The following ADGRV1 variants were observed in gnomAD, a reference collection of about 807,000 sequenced individuals.
ADGRV1 encodes the protein G-protein coupled receptor 98.
ADGRV1 carries 359 observed loss-of-function variants against 596.2 expected under a neutral mutation model. That is an observed-to-expected ratio of 0.60 (90% CI 0.55 to 0.66). The LOEUF is 0.66. Among genes scored for constraint, ADGRV1 ranks in the 30% least tolerant of loss-of-function variants. The probability of loss-of-function intolerance (pLI) is 0.00; values close to 1 mark genes in which losing one functional copy is unlikely to be tolerated. For synonymous variants in ADGRV1, 2,681 were observed against 2,679.2 expected (o/e 1.00, Z -0.02); for missense variants, 7,274 against 7,575.6 (o/e 0.96, Z 1.48).
At position 90,862,947 on chromosome 5, in the gene ADGRV1, T is replaced by G. The variant is rs1316930731; in HGVS notation, c.17756-810T>G. 2.0e-5 allele frequency among the ~76,000 whole-genome samples: 3 copies of G among 152,346 alleles called. No individual in the cohort carries two copies. The East Asian group carries it at 5.8e-4, about 29-fold the overall frequency. Reference sequence around the variant, plus strand: ...AAATGAGTGCAGTGCCTCCTGTTTATTAACGAGGCATTGATATAACTAAAC... The same window carrying G: ...AAATGAGTGCAGTGCCTCCTGTTTAGTAACGAGGCATTGATATAACTAAAC... On this transcript the variant is annotated intron_variant, in intron 82 of 89. Coordinates refer to ENST00000405460, the MANE Select transcript of ADGRV1 (RefSeq NM_032119.4).
chr5:90,823,094 C>T (rs1310132631), intron 75 of ADGRV1, among the ~76,000 whole-genome samples: 1 of 152,200 alleles, frequency 6.6e-6, no homozygotes, highest in Non-Finnish European at 1.5e-5. Context: ...ATTTGACTTC[C>T]TCTTTTCCTA....
chr5:91,108,227 G>T (rs1030341728), intron 87 of ADGRV1, among the ~76,000 whole-genome samples: 1 of 152,070 alleles, frequency 6.6e-6, no homozygotes, highest in Non-Finnish European at 1.5e-5. Flanking sequence ...ATTCAGTTTA[G>T]GCATTTCCAT....
intron 83 of ADGRV1, among the ~76,000 whole-genome samples, chr5:90,890,921 T>C (rs1299315110): frequency 1.3e-5 from 2 of 152,050 alleles, no homozygotes; most frequent in African/African-American, 2.4e-5. Flanking sequence ...GAAAATCTTT[T>C]TAAATTGGCA....
intron 86 of ADGRV1, among the ~76,000 whole-genome samples, chr5:91,081,107 T>A (rs1371352598): frequency 6.6e-6 from 1 of 152,150 alleles, no homozygotes; most frequent in Non-Finnish European, 1.5e-5. Context: ...ATTCAGGTCC[T>A]GGCGAGGCTT....
At chr5:90,662,303 C>T (rs1223628420) in intron 21 of ADGRV1, among the ~76,000 whole-genome samples, 3 of 150,548 alleles carry the variant, frequency 2.0e-5, no homozygotes, top group Non-Finnish European at 4.4e-5. Flanking sequence ...ACGCCATTCT[C>T]CTGCCTCAGC....
At chr5:90,729,803 T>G (rs777402498) in intron 50 of ADGRV1, 39 bp downstream of exon 50, 5 of 1,596,040 alleles carry the variant, frequency 3.1e-6, no homozygotes, top group Non-Finnish European at 4.3e-6. Context: ...CTAAAGGTAG[T>G]ATGGAAAGCC....
Position 90,712,446 on chromosome 5 carries a change from A to G in ADGRV1, c.9184+18A>G. On this transcript the variant is annotated intron_variant, in intron 42 of 89. Transcript: ENST00000405460. ...TACAATAGGTAATTAATAATTTCTT[A>G]TAAACAGCTTCCTCTCCTTCATGCT... The G allele has an allele frequency of 6.4e-7, 1 of 1,556,972 alleles. No individual in the cohort carries two copies. The highest frequency in any genetic ancestry group is 8.8e-7 in the Non-Finnish European group (1 of 1,142,120).
intron 77 of ADGRV1, among the ~76,000 whole-genome samples, chr5:90,835,470 C>T (rs1764897502): frequency 6.6e-6 from 1 of 152,152 alleles, no homozygotes; most frequent in Non-Finnish European, 1.5e-5. Context: ...TGGTCACTGC[C>T]ACTGGGATTG....
At chr5:91,056,374 G>A (rs1786856935) in intron 85 of ADGRV1, among the ~76,000 whole-genome samples, 2 of 152,100 alleles carry the variant, frequency 1.3e-5, no homozygotes, top group Non-Finnish European at 2.9e-5. Context: ...AAGTGCTTTG[G>A]AGCTCGGTCC....
chr5:90,740,900 C>A (rs1304780552), intron 50 of ADGRV1, among the ~76,000 whole-genome samples: 1 of 152,166 alleles, frequency 6.6e-6, no homozygotes, highest in East Asian at 1.9e-4. Context: ...GAAACTGTTC[C>A]TCTTACACTT....
intron 75 of ADGRV1, among the ~76,000 whole-genome samples, chr5:90,821,012 T>C (rs1763443836): frequency 2.0e-5 from 3 of 152,122 alleles, no homozygotes; most frequent in Admixed American, 1.3e-4. Context: ...GCAGAGTGTT[T>C]TCCACCTTGG....
At chr5:91,069,261 G>A (rs1788164789) in intron 85 of ADGRV1, among the ~76,000 whole-genome samples, 1 of 151,942 alleles carries the variant, frequency 6.6e-6, no homozygotes, top group Non-Finnish European at 1.5e-5. Flanking sequence ...TCATAACTAT[G>A]ACCCCAAAAG....
intron 33 of ADGRV1, 73 bp downstream of exon 33, chr5:90,694,774 A>G (rs1746974697): frequency 7.6e-6 from 10 of 1,316,546 alleles, no homozygotes; most frequent in East Asian, 2.5e-5. Context: ...GATAAAATTT[A>G]TAAGAATTCT....
chr5:90,962,099 C>G (rs1354872097), intron 83 of ADGRV1, among the ~76,000 whole-genome samples: 1 of 152,218 alleles, frequency 6.6e-6, no homozygotes, highest in Non-Finnish European at 1.5e-5. Flanking sequence ...AAATTTAAAA[C>G]TTGTTTAAGG....
chr5:91,008,098 A>T, intron 85 of ADGRV1, among the ~76,000 whole-genome samples: 1 of 152,158 alleles, frequency 6.6e-6, no homozygotes, highest in East Asian at 1.9e-4. Context: ...AAGATATCTT[A>T]CAGTCAAATA....
At chr5:90,976,348 A>ATATATATATATG (rs1325293370) in intron 84 of ADGRV1, among the ~76,000 whole-genome samples, 2 of 141,472 alleles carry the variant, frequency 1.4e-5, no homozygotes, top group African/African-American at 5.1e-5. Context: ...ATATATATAT[A>ATATATATATATG]TGTATATGTA....
chr5:90,699,511 A>AG (rs1205446769), intron 34 of ADGRV1, among the ~76,000 whole-genome samples: 2 of 152,196 alleles, frequency 1.3e-5, no homozygotes, highest in Non-Finnish European at 2.9e-5. Flanking sequence ...AGATTTAAGG[A>AG]GGGACTTAGA....
rs201254386 is a variant in ADGRV1, at chr5:90,855,803, C to T, written c.17657C>T (p.Ala5886Val). 3 of 1,607,730 alleles carry T rather than the reference C, an allele frequency of 1.9e-6. No individual in the cohort carries two copies. Among genetic ancestry groups the T allele is most frequent in the Admixed American group, 1.7e-5 (1 of 59,618 alleles). Reference protein sequence around the residue: ...VEETADYVECACSHMSVYAVY... With the variant: ...VEETADYVECVCSHMSVYAVY... ...GAAACTGCAGACTATGTGGAATGTG[C>T]CTGTTCACACATGTCTGTGTATGCT... The change falls in exon 82 of 90, where the codon GCC (alanine) becomes GTC (valine). Residue 5886 changes from alanine (A) to valine (V), a missense_variant. Ala to Val is a moderately conservative substitution (Grantham distance 64). Transcript: ENST00000405460.
chr5:90,814,587 T>G (rs866963277), intron 74 of ADGRV1, among the ~76,000 whole-genome samples: 4 of 152,110 alleles, frequency 2.6e-5, no homozygotes, highest in South Asian at 2.1e-4. Context: ...TGAGTTCTCG[T>G]GAGATCTGAT....
Sources: gnomAD v4.1 joint callset for allele counts (sites outside exome capture counted in the v4.1 genomes callset) on GRCh38, gnomAD v4.1.1 for gene constraint, MANE v1.5 for transcripts, NCBI Gene and HGNC (gene_info 2026-07-23, HGNC 2026-07-21) for gene names.